The following MTUS2 variants were observed in gnomAD, a reference collection of about 807,000 sequenced individuals.
The protein encoded by MTUS2 is microtubule associated scaffold protein 2, also known as microtubule-associated tumor suppressor candidate 2.
Under a neutral mutation model 114.1 loss-of-function variants are expected in MTUS2, and 40 were observed. The observed-to-expected ratio is 0.35, with a 90% CI of 0.27 to 0.46. MTUS2 has a LOEUF of 0.46. MTUS2 is among the 20% of genes least tolerant of loss of function. MTUS2 has a pLI of 1.00. For synonymous variants in MTUS2, 688 were observed against 672.0 expected (o/e 1.02, Z -0.37); for missense variants, 1,679 against 1,705.4 (o/e 0.98, Z 0.27).
chr13:29,443,678 C>T (rs1416015762), intron 9 of MTUS2, among the ~76,000 whole-genome samples: 1 of 152,178 alleles, frequency 6.6e-6, no homozygotes, highest in Non-Finnish European at 1.5e-5. Context: ...AACTGTCAAC[C>T]GTAAAGCGCA....
At chr13:29,366,583 T>A (rs573298223) in intron 8 of MTUS2, among the ~76,000 whole-genome samples, 98 of 152,346 alleles carry the variant, frequency 6.4e-4, no homozygotes, top group African/African-American at 2.3e-3. Context: ...AGTATGCCTA[T>A]TGATCCCTGC....
In MTUS2 at chr13:28,988,628, A is replaced by G. The variant is rs1226948974; in HGVS notation, c.-242-35829A>G. 2.0e-5 allele frequency among the ~76,000 whole-genome samples: 3 copies of G among 152,236 alleles called. No individual in the cohort carries two copies. The South Asian group carries it at 6.2e-4, about 32-fold the overall frequency. ...ACAAAGCTTTTAGTAAACTGAATGTACAAAGTGTTCACTGAGTATAGACAG... is the reference window on the plus strand; with the variant it reads ...ACAAAGCTTTTAGTAAACTGAATGTGCAAAGTGTTCACTGAGTATAGACAG... On this transcript the variant is annotated intron_variant, in intron 2 of 15. Coordinates refer to ENST00000612955, the MANE Select transcript of MTUS2 (RefSeq NM_001033602.4).
Position 29,221,926 on chromosome 13 carries a change from C to T in MTUS2, c.2645-59778C>T, listed in dbSNP as rs8001802. ...TCAACTGATTTTTATGGATACCATG[C>T]GATAGATGTCTCATTTTATTTTCTT... On this transcript the variant is annotated intron_variant, in intron 5 of 15. Transcript: ENST00000612955. 9.5e-3 allele frequency among the ~76,000 whole-genome samples: 1,438 copies of T among 152,112 alleles called. 19 individuals are homozygous for T. Among genetic ancestry groups the T allele is most frequent in the African/African-American group, 0.033 (1,366 of 41,492 alleles).
At chr13:29,410,291 A>AT (rs1875128617) in intron 8 of MTUS2, among the ~76,000 whole-genome samples, 2 of 151,850 alleles carry the variant, frequency 1.3e-5, no homozygotes, top group African/African-American at 2.4e-5. Context: ...TGACCGACTA[A>AT]TTTTTTTGTA....
At chr13:29,420,645 T>C (rs1240043279) in intron 8 of MTUS2, among the ~76,000 whole-genome samples, 1 of 152,182 alleles carries the variant, frequency 6.6e-6, no homozygotes, top group Non-Finnish European at 1.5e-5. Flanking sequence ...TTCACTGGGA[T>C]CATTCTTTCT....
chr13:29,061,485 T>C (rs1888415778), intron 4 of MTUS2, among the ~76,000 whole-genome samples: 3 of 152,184 alleles, frequency 2.0e-5, no homozygotes, highest in African/African-American at 7.2e-5. Flanking sequence ...TGCATGCAGA[T>C]TGATATTCAT....
chr13:29,505,149 A>G lies in MTUS2; in HGVS notation c.*1943A>G, dbSNP rs1883147836. ...ATTCCATTAGAGTAGATCTTGCCACATTGACTAAATACACAAGTATTTATT... is the reference window on the plus strand; with the variant it reads ...ATTCCATTAGAGTAGATCTTGCCACGTTGACTAAATACACAAGTATTTATT... On this transcript the variant is annotated 3_prime_UTR_variant, in exon 16 of 16. Transcript: ENST00000612955. The G allele has an allele frequency of 8.6e-6, 2 of 232,028 alleles. No individual in the cohort carries two copies. The highest frequency in any genetic ancestry group is 8.5e-6 in the Non-Finnish European group (1 of 117,044). 14.4% of individuals were successfully genotyped at this position (232,028 alleles called of 1,614,324 possible).
chr13:29,097,191 G>T (rs1318901931), intron 4 of MTUS2, among the ~76,000 whole-genome samples: 1 of 152,214 alleles, frequency 6.6e-6, no homozygotes, highest in Non-Finnish European at 1.5e-5. Flanking sequence ...AGAGTGGATT[G>T]TGGTTCAAGT....
intron 2 of MTUS2, among the ~76,000 whole-genome samples, chr13:28,886,560 G>A (rs181067918): frequency 6.6e-6 from 1 of 152,212 alleles, no homozygotes; most frequent in African/African-American, 2.4e-5. Context: ...AATGCTGTGT[G>A]TTGAGATGGG....
intron 5 of MTUS2, among the ~76,000 whole-genome samples, chr13:29,104,327 C>T (rs1284002673): frequency 2.0e-5 from 3 of 152,186 alleles, no homozygotes; most frequent in Non-Finnish European, 2.9e-5. Flanking sequence ...GCCCTGGGTC[C>T]TGGGCTGGTG....
intron 15 of MTUS2, among the ~76,000 whole-genome samples, chr13:29,502,611 G>A (rs1356645811): frequency 6.6e-6 from 1 of 152,264 alleles, no homozygotes; most frequent in Non-Finnish European, 1.5e-5. Flanking sequence ...CACTGCTATT[G>A]TGCTGTTGTC....
chr13:29,185,133 T>A (rs1267574611), intron 5 of MTUS2, among the ~76,000 whole-genome samples: 1 of 151,962 alleles, frequency 6.6e-6, no homozygotes, highest in African/African-American at 2.4e-5. Context: ...AAAAGTACAA[T>A]GACTGAAATA....
Position 29,091,479 on chromosome 13 carries a change from A to G in MTUS2, c.2447-9294A>G, listed in dbSNP as rs182832302. On this transcript the variant is annotated intron_variant, in intron 4 of 15. Transcript: ENST00000612955. ...AGGAATGCCGATCTCAGTACTCCAC[A>G]TTATGGCCTTTGTTTCTTTTTCCTT... Among the ~76,000 whole-genome samples the G allele has an allele frequency of 2.9e-5, 4 of 139,408 alleles. No homozygotes were observed. In the Admixed American group the frequency reaches 3.0e-4, roughly 10 times the overall value. The allele number at this position is 139,408 out of a possible 152,430, so 91.5% of individuals were successfully genotyped here. A position where few individuals can be genotyped will look rare whatever the true frequency, so the allele number is the denominator to read the frequency against.
chr13:29,351,944 C>T (rs1346166876), intron 7 of MTUS2, among the ~76,000 whole-genome samples: 1 of 152,046 alleles, frequency 6.6e-6, no homozygotes, highest in African/African-American at 2.4e-5. Flanking sequence ...TAGATATGTC[C>T]TGTTCCTTAG....
At chr13:28,949,427 A>G (rs561809528) in intron 2 of MTUS2, among the ~76,000 whole-genome samples, 3 of 152,208 alleles carry the variant, frequency 2.0e-5, no homozygotes, top group African/African-American at 7.2e-5. Context: ...TTTAATTACA[A>G]TATCCAATTC....
rs10682778 is a variant in MTUS2 at position 29,281,419 on chromosome 13, CTGTG to C, written c.2645-258_2645-255del. On this transcript the variant is annotated intron_variant, in intron 5 of 15. Transcript: ENST00000612955. ...TGTGTGTGCATGTATGTATGTATGTCTGTGTGTGTGTGTGTGTGTGTGTGTGTGT... is the reference window on the plus strand; with the variant it reads ...TGTGTGTGCATGTATGTATGTATGTCTGTGTGTGTGTGTGTGTGTGTGTGT... Among the ~76,000 whole-genome samples the C allele has an allele frequency of 7.6e-4, 111 of 146,602 alleles. 1 individual carries two copies. The highest frequency in any genetic ancestry group is 4.0e-3 in the South Asian group (18 of 4,544).
intron 8 of MTUS2, among the ~76,000 whole-genome samples, chr13:29,384,154 A>G (rs942906744): frequency 1.1e-4 from 17 of 152,258 alleles, no homozygotes; most frequent in Non-Finnish European, 4.4e-5. Context: ...ATCTGGAGAA[A>G]GGTAGACAAT....
intron 5 of MTUS2, among the ~76,000 whole-genome samples, chr13:29,129,123 A>G (rs1360117918): frequency 6.6e-6 from 1 of 151,620 alleles, no homozygotes; most frequent in African/African-American, 2.4e-5. Context: ...TCTGGTTTAT[A>G]AATATTTAGT....
At chr13:29,276,343 T>C (rs1284738462) in intron 5 of MTUS2, among the ~76,000 whole-genome samples, 3 of 152,226 alleles carry the variant, frequency 2.0e-5, no homozygotes, top group Non-Finnish European at 2.9e-5. Context: ...TTCAGTCATA[T>C]ATATACCTTT....
Sources: gnomAD v4.1 joint callset for allele counts (sites outside exome capture counted in the v4.1 genomes callset) on GRCh38, gnomAD v4.1.1 for gene constraint, MANE v1.5 for transcripts, NCBI Gene and HGNC (gene_info 2026-07-23, HGNC 2026-07-21) for gene names.